CSTPP1: variants seen among roughly 807,000 people sequenced by gnomAD.
The protein encoded by CSTPP1 is UPF0705 protein C11orf49.
At chr11:47,093,074 T>A in the CSTPP1 span, among the ~76,000 whole-genome samples, 4 of 152,238 alleles carry the variant, frequency 2.6e-5, no homozygotes, top group Non-Finnish European at 5.9e-5. Context: ...GAGAATCTAA[T>A]CTGTTGTTGT....
the CSTPP1 span, among the ~76,000 whole-genome samples, chr11:47,140,446 A>G: frequency 6.6e-6 from 1 of 152,178 alleles, no homozygotes; most frequent in African/African-American, 2.4e-5. Context: ...TCTTTGAGAC[A>G]GAATCTCACT....
the CSTPP1 span, among the ~76,000 whole-genome samples, chr11:46,992,617 T>A: frequency 6.6e-6 from 1 of 152,174 alleles, no homozygotes; most frequent in African/African-American, 2.4e-5. Flanking sequence ...ATGTGCCCAT[T>A]TTCTTAACCC....
At chr11:47,004,186 GT>G in the CSTPP1 span, among the ~76,000 whole-genome samples, 64 of 136,180 alleles carry the variant, frequency 4.7e-4, no homozygotes, top group Admixed American at 4.4e-4. Flanking sequence ...TTTTGTTTTT[GT>G]TTTTTTTTTT....
chr11:46,981,692 T>C, the CSTPP1 span, among the ~76,000 whole-genome samples: 1 of 152,024 alleles, frequency 6.6e-6, no homozygotes, highest in Non-Finnish European at 1.5e-5. Flanking sequence ...GAGTCAAATC[T>C]AAGTTTGAAT....
At chr11:46,943,780 TG>T in the CSTPP1 span, among the ~76,000 whole-genome samples, 1 of 152,066 alleles carries the variant, frequency 6.6e-6, no homozygotes. Flanking sequence ...CCCAGCACTG[TG>T]GGAGGCCAAG....
the CSTPP1 span, among the ~76,000 whole-genome samples, chr11:46,948,565 C>G: frequency 6.6e-6 from 1 of 151,636 alleles, no homozygotes; most frequent in African/African-American, 2.4e-5. Flanking sequence ...AATGAGTCAT[C>G]TTTTTGTGTG....
chr11:47,161,664 C>T, the CSTPP1 span: 9 of 1,581,994 alleles, frequency 5.7e-6, no homozygotes, highest in African/African-American at 1.3e-5. Context: ...CTGCCCACAG[C>T]GCCCTGTACC....
At chr11:47,080,058 T>G in the CSTPP1 span, among the ~76,000 whole-genome samples, 1 of 152,070 alleles carries the variant, frequency 6.6e-6, no homozygotes, top group Non-Finnish European at 1.5e-5. Context: ...GTCATGCCAT[T>G]GTACTGCAGC....
chr11:47,105,728 G>C, the CSTPP1 span, among the ~76,000 whole-genome samples: 1 of 152,118 alleles, frequency 6.6e-6, no homozygotes, highest in African/African-American at 2.4e-5. Context: ...CTCAGATTTC[G>C]ATCTGTCTAA....
chr11:47,034,194 C>T, the CSTPP1 span, among the ~76,000 whole-genome samples: 4 of 152,032 alleles, frequency 2.6e-5, no homozygotes, highest in South Asian at 2.1e-4. Flanking sequence ...GTTGATGAAA[C>T]CCAGTCCAGA....
At chr11:47,161,677 CTCCCACCCAGCCCTTGGTGT>C in the CSTPP1 span, 65 of 1,564,784 alleles carry the variant, frequency 4.2e-5, no homozygotes, top group Non-Finnish European at 5.0e-5. Flanking sequence ...CCTGTACCTG[CTCCCACCCAGCCCTTGGTGT>C]GCCCACCCAG....
the CSTPP1 span, among the ~76,000 whole-genome samples, chr11:47,154,174 T>C: frequency 2.0e-5 from 3 of 152,036 alleles, no homozygotes; most frequent in Non-Finnish European, 4.4e-5. Context: ...TGACCTCAAA[T>C]GATTCACCCA....
chr11:47,133,228 G>A, the CSTPP1 span, among the ~76,000 whole-genome samples: 1 of 152,230 alleles, frequency 6.6e-6, no homozygotes, highest in African/African-American at 2.4e-5. Context: ...TCTGGAGCCA[G>A]CCACATAATT....
the CSTPP1 span, among the ~76,000 whole-genome samples, chr11:47,039,272 T>C: frequency 3.1e-5 from 4 of 127,904 alleles, no homozygotes; most frequent in African/African-American, 9.9e-5. Context: ...ATGCCGAGGC[T>C]GGCGGATCAC....
At chr11:47,038,084 C>T in the CSTPP1 span, among the ~76,000 whole-genome samples, 9 of 94,722 alleles carry the variant, frequency 9.5e-5, no homozygotes, top group Non-Finnish European at 1.1e-4. Context: ...CCGGATGGGG[C>T]GGCTGGCCGG....
At chr11:47,032,693 A>G in the CSTPP1 span, among the ~76,000 whole-genome samples, 1 of 152,204 alleles carries the variant, frequency 6.6e-6, no homozygotes, top group Admixed American at 6.5e-5. Flanking sequence ...ATGATAGCTT[A>G]AAAAGAAACA....
At chr11:46,956,691 G>A in the CSTPP1 span, among the ~76,000 whole-genome samples, 1 of 151,766 alleles carries the variant, frequency 6.6e-6, no homozygotes, top group Non-Finnish European at 1.5e-5. Context: ...TTTTTGCTGT[G>A]TACTTTAAAA....
the CSTPP1 span, among the ~76,000 whole-genome samples, chr11:47,012,676 G>A: frequency 1.1e-4 from 17 of 152,086 alleles, no homozygotes; most frequent in African/African-American, 3.1e-4. Context: ...GAATTGGCTG[G>A]CAGGTACGAC....
the CSTPP1 span, among the ~76,000 whole-genome samples, chr11:47,132,606 G>A: frequency 6.6e-6 from 1 of 152,204 alleles, no homozygotes; most frequent in Non-Finnish European, 1.5e-5. Flanking sequence ...GGCAAGTAGT[G>A]GAGCCAGGTT....
Sources: gnomAD v4.1 joint callset for allele counts (sites outside exome capture counted in the v4.1 genomes callset) on GRCh38, gnomAD v4.1.1 for gene constraint, MANE v1.5 for transcripts, NCBI Gene and HGNC (gene_info 2026-07-23, HGNC 2026-07-21) for gene names.